Variants in DOCK3 observed in about 807,000 individuals in gnomAD.
DOCK3 encodes dedicator of cytokinesis 3.
A neutral mutation model predicts 265.6 loss-of-function variants in DOCK3; 60 were observed. That is an observed-to-expected ratio of 0.23 (90% CI 0.18 to 0.28). The LOEUF is 0.28. Ranked by LOEUF, DOCK3 falls within the 10% of genes least tolerant of loss-of-function variation. The pLI is 1.00. For synonymous variants in DOCK3, 881 were observed against 938.0 expected (o/e 0.94, Z 1.11); for missense variants, 1,981 against 2,594.3 (o/e 0.76, Z 5.14).
chr3:51,123,936 C>CT (rs1426311753), intron 9 of DOCK3, among the ~76,000 whole-genome samples: 1 of 152,208 alleles, frequency 6.6e-6, no homozygotes, highest in African/African-American at 2.4e-5. Flanking sequence ...TATGTTAACT[C>CT]TTTTCTGTGC....
intron 1 of DOCK3, among the ~76,000 whole-genome samples, chr3:50,702,683 T>C (rs1194694604): frequency 6.6e-6 from 1 of 152,144 alleles, no homozygotes; most frequent in Admixed American, 6.6e-5. Flanking sequence ...TGTTGTATGT[T>C]CGTTTTGTAT....
At chr3:51,027,015 T>C (rs1241083467) in intron 5 of DOCK3, among the ~76,000 whole-genome samples, 2 of 152,086 alleles carry the variant, frequency 1.3e-5, no homozygotes, top group Non-Finnish European at 1.5e-5. Flanking sequence ...TATTTAGTTA[T>C]TATATTTCTA....
chr3:50,762,767 G>T (rs2040613040), intron 1 of DOCK3, among the ~76,000 whole-genome samples: 1 of 151,810 alleles, frequency 6.6e-6, no homozygotes, highest in Non-Finnish European at 1.5e-5. Flanking sequence ...TGTTATTTCT[G>T]CATCCAGAAT....
chr3:50,817,419 G>A (rs1171412643), intron 2 of DOCK3, among the ~76,000 whole-genome samples: 1 of 151,938 alleles, frequency 6.6e-6, no homozygotes, highest in Non-Finnish European at 1.5e-5. Flanking sequence ...AGCCTCCTAA[G>A]TAGCTGGACA....
intron 12 of DOCK3, among the ~76,000 whole-genome samples, chr3:51,178,020 C>A (rs1227035471): frequency 2.7e-5 from 2 of 74,160 alleles, no homozygotes; most frequent in Admixed American, 1.5e-4. Flanking sequence ...AAAAAAAACT[C>A]AAAATAGTAA....
intron 52 of DOCK3, 94 bp downstream of exon 52, chr3:51,380,301 C>T (rs1271479219): frequency 1.7e-6 from 2 of 1,191,078 alleles, no homozygotes; most frequent in Non-Finnish European, 1.2e-6. Context: ...GGAACTGGAG[C>T]CCTCCCCTTC....
chr3:51,228,017 G>T lies in DOCK3; in HGVS notation c.1576G>T (p.Ala526Ser), dbSNP rs1161813764. Residue 526 changes from alanine (A) to serine (S), a missense_variant, in exon 17 of 53, where the codon GCA becomes TCA. Physicochemically the swap from Ala to Ser is moderately conservative, Grantham distance 99. Transcript: ENST00000266037. Reference sequence around the variant, plus strand: ...AGGGGAAAAGAAACTCTTTGGCTTTGCATTCTCAACCCTGATGCGTGATGA... The same window carrying T: ...AGGGGAAAAGAAACTCTTTGGCTTTTCATTCTCAACCCTGATGCGTGATGA... ...DKGEKKLFGF[A>S]FSTLMRDDGT... The T allele has an allele frequency of 6.2e-7, 1 of 1,614,000 alleles. No homozygotes were observed.
In DOCK3 at chr3:51,383,924, G is replaced by A. The variant is rs2088821513; in HGVS notation, c.*2365G>A. On this transcript the variant is annotated 3_prime_UTR_variant, in exon 53 of 53. Coordinates refer to ENST00000266037, the MANE Select transcript of DOCK3 (RefSeq NM_004947.5). ...CGCATTCTGTGCTTATTTAAAACAA[G>A]GAAACTTCTAACCATTTCTTTTGTG... The A allele has an allele frequency of 6.6e-6, 1 of 152,456 alleles. No individual in the cohort carries two copies. Among genetic ancestry groups the A allele is most frequent in the African/African-American group, 2.4e-5 (1 of 41,362 alleles). The allele number at this position is 152,456 out of a possible 1,614,324, so 9.4% of individuals were successfully genotyped here.
chr3:51,165,786 A>T (rs924059917), intron 12 of DOCK3, among the ~76,000 whole-genome samples: 1 of 152,074 alleles, frequency 6.6e-6, no homozygotes, highest in Non-Finnish European at 1.5e-5. Flanking sequence ...CTTTTTTATT[A>T]TGGATGAATA....
chr3:51,322,530 G>A (rs1289518152), intron 32 of DOCK3, among the ~76,000 whole-genome samples: 1 of 152,088 alleles, frequency 6.6e-6, no homozygotes, highest in East Asian at 1.9e-4. Flanking sequence ...GAATTTTCAA[G>A]AATTTCGTAT....
chr3:51,336,332 G>GT (rs904172714), intron 35 of DOCK3, among the ~76,000 whole-genome samples: 6 of 148,628 alleles, frequency 4.0e-5, no homozygotes, highest in South Asian at 2.1e-4. Flanking sequence ...CCCTAGAAGG[G>GT]TTTTTTTGTT....
intron 5 of DOCK3, among the ~76,000 whole-genome samples, chr3:51,040,887 C>G (rs1223349567): frequency 6.6e-6 from 1 of 151,914 alleles, no homozygotes; most frequent in Non-Finnish European, 1.5e-5. Context: ...TGAGTTCTGT[C>G]TTCAGGGTCC....
chr3:51,056,501 G>C (rs939253216), intron 5 of DOCK3, among the ~76,000 whole-genome samples: 1 of 152,208 alleles, frequency 6.6e-6, no homozygotes, highest in Non-Finnish European at 1.5e-5. Context: ...ACCCACCTCA[G>C]CTTCCCAAAG....
At chr3:50,911,833 T>C (rs1268165599) in intron 4 of DOCK3, among the ~76,000 whole-genome samples, 1 of 152,078 alleles carries the variant, frequency 6.6e-6, no homozygotes, top group African/African-American at 2.4e-5. Flanking sequence ...ATTTGTGCCC[T>C]CTTCAGTTTC....
rs993105080 is a variant in DOCK3 at position 51,217,819 on chromosome 3, T to A, written c.1252+3572T>A. 2.6e-5 allele frequency among the ~76,000 whole-genome samples: 4 copies of A among 152,140 alleles called. No homozygotes were observed. In the South Asian group the frequency reaches 8.3e-4, roughly 32 times the overall value. On this transcript the variant is annotated intron_variant, in intron 14 of 52. Transcript: ENST00000266037. ...AAGAGTATAACCTGAAAGGAATGAT[T>A]TAAAACCTCTAGGTCAGGCCAGGCA...
At chr3:51,197,226 C>T (rs1472121258) in intron 12 of DOCK3, among the ~76,000 whole-genome samples, 1 of 152,102 alleles carries the variant, frequency 6.6e-6, no homozygotes, top group African/African-American at 2.4e-5. Context: ...GCCAGGTGGG[C>T]CAGTGATAGT....
intron 12 of DOCK3, among the ~76,000 whole-genome samples, chr3:51,167,688 ATAT>A (rs1355029371): frequency 6.6e-6 from 1 of 152,092 alleles, no homozygotes; most frequent in Non-Finnish European, 1.5e-5. Flanking sequence ...TTATTCCTAA[ATAT>A]TATATATTTT....
intron 2 of DOCK3, among the ~76,000 whole-genome samples, chr3:50,802,518 T>A (rs2043125028): frequency 6.6e-6 from 1 of 152,196 alleles, no homozygotes; most frequent in Non-Finnish European, 1.5e-5. Flanking sequence ...TCATTTTTAA[T>A]GTGTAGGTTT....
At chr3:50,954,140 C>A (rs1388596623) in intron 5 of DOCK3, among the ~76,000 whole-genome samples, 1 of 152,058 alleles carries the variant, frequency 6.6e-6, no homozygotes, top group Non-Finnish European at 1.5e-5. Context: ...CTGGAAACCA[C>A]CACTGTACTT....
Sources: allele counts gnomAD v4.1 joint callset (sites outside exome capture counted in the v4.1 genomes callset), GRCh38; gene constraint gnomAD v4.1.1; transcripts MANE v1.5; gene names NCBI Gene and HGNC (gene_info 2026-07-23, HGNC 2026-07-21).